Variants in RYR2 observed in about 807,000 individuals in gnomAD.
RYR2 encodes ryanodine receptor 2.
In RYR2, 227 loss-of-function variants were observed where a neutral mutation model predicts 601.1. The observed-to-expected ratio is 0.38, with a 90% CI of 0.34 to 0.42. The LOEUF is 0.42. Ranked by LOEUF, RYR2 falls within the 10% of genes least tolerant of loss-of-function variation. The pLI, the probability that RYR2 is intolerant of heterozygous loss-of-function variation, is 1.00. For synonymous variants in RYR2, 2,223 were observed against 2,175.1 expected (o/e 1.02, Z -0.61); for missense variants, 4,646 against 6,156.5 (o/e 0.75, Z 8.21).
chr1:237,830,754 A>T (rs531275365), intron 103 of RYR2, 124 bp downstream of exon 103: 11 of 576,306 alleles, frequency 1.9e-5, no homozygotes, highest in Non-Finnish European at 3.1e-5. Flanking sequence ...ATACTTTAAA[A>T]GAAAGTCCAA....
chr1:237,565,147 TTCTTTCTTTCTC>T (rs1671860104), intron 27 of RYR2, among the ~76,000 whole-genome samples: 2 of 131,978 alleles, frequency 1.5e-5, no homozygotes, highest in Non-Finnish European at 3.3e-5. Flanking sequence ...TTCTTTTTCT[TTCTTTCTTTCTC>T]TTTCTTTCTT....
At chr1:237,335,637 A>G (rs973447557) in intron 3 of RYR2, among the ~76,000 whole-genome samples, 3 of 152,262 alleles carry the variant, frequency 2.0e-5, no homozygotes, top group East Asian at 1.9e-4. Context: ...GTCCTTTTCA[A>G]CTTTAGCTTA....
chr1:237,750,350 G>A (rs1692441759), intron 80 of RYR2, among the ~76,000 whole-genome samples: 1 of 151,924 alleles, frequency 6.6e-6, no homozygotes, highest in Non-Finnish European at 1.5e-5. Context: ...TCAGTTTGAT[G>A]TGAATTGTCA....
At position 237,643,315 on chromosome 1, in the gene RYR2, T is replaced by TC. The variant is rs796347550; in HGVS notation, c.7222-8dup. The TC allele has an allele frequency of 6.2e-6, 10 of 1,607,448 alleles. No homozygotes were observed. Among genetic ancestry groups the TC allele is most frequent in the Non-Finnish European group, 7.6e-6 (9 of 1,176,646 alleles). On this transcript the variant is annotated splice_polypyrimidine_tract_variant and intron_variant, in intron 47 of 104. Coordinates refer to ENST00000366574, the MANE Select transcript of RYR2 (RefSeq NM_001035.3). ...ACAAAGTTGTTCTAATGTTTTTTTTTCCCCTGTATAGTTGATTCATGCCGG... is the reference window on the plus strand; with the variant it reads ...ACAAAGTTGTTCTAATGTTTTTTTTTCCCCCTGTATAGTTGATTCATGCCGG...
At chr1:237,472,885 T>C (rs1278271061) in intron 17 of RYR2, among the ~76,000 whole-genome samples, 1 of 152,064 alleles carries the variant, frequency 6.6e-6, no homozygotes, top group East Asian at 1.9e-4. Flanking sequence ...GGACAGGGAA[T>C]TGCTTGTCAA....
In RYR2 at chr1:237,456,505, C is replaced by T. The variant is rs143025438; in HGVS notation, c.1477-95C>T. The T allele has an allele frequency of 1.8e-5, 24 of 1,320,410 alleles. No homozygotes were observed. The East Asian group carries it at 6.1e-4, about 34-fold the overall frequency. The allele number at this position is 1,320,410 out of a possible 1,614,324, so 81.8% of individuals were successfully genotyped here. A position where few individuals can be genotyped will look rare whatever the true frequency, so the allele number is the denominator to read the frequency against. Reference sequence around the variant, plus strand: ...ATTAGTAGATGAACCTTCAGTCAGACTTCTATTTTTAAATCAACTTAGCAT... The same window carrying T: ...ATTAGTAGATGAACCTTCAGTCAGATTTCTATTTTTAAATCAACTTAGCAT... On this transcript the variant is annotated intron_variant, in intron 15 of 104. Transcript: ENST00000366574.
intron 2 of RYR2, among the ~76,000 whole-genome samples, chr1:237,274,776 T>C (rs1690090522): frequency 6.6e-6 from 1 of 152,148 alleles, no homozygotes. Context: ...TTTTACCTTT[T>C]ATATCACATT....
intron 2 of RYR2, among the ~76,000 whole-genome samples, chr1:237,324,324 T>G (rs2149537398): frequency 6.6e-6 from 1 of 152,336 alleles, no homozygotes; most frequent in East Asian, 1.9e-4. Flanking sequence ...ACCACCACTT[T>G]ATCTTTCGGA....
At chr1:237,652,466 T>TTA in intron 51 of RYR2, among the ~76,000 whole-genome samples, 1 of 152,268 alleles carries the variant, frequency 6.6e-6, no homozygotes, top group Non-Finnish European at 1.5e-5. Flanking sequence ...TCTAGTAGCA[T>TTA]TATTTTTTCC....
Position 237,589,793 on chromosome 1 carries a change from G to A in RYR2, c.3599G>A (p.Gly1200Glu). The change falls in exon 30 of 105, where the codon GGA becomes GAA. Residue 1200 changes from glycine to glutamate, a missense_variant and splice_region_variant. By Grantham distance (98) the Gly-to-Glu change is moderately conservative. Around this residue, in one of 17 missense-constraint regions of RYR2, gnomAD observed 1,807 missense variants for 2,088.1 expected, o/e 0.87. Coordinates refer to ENST00000366574, the MANE Select transcript of RYR2 (RefSeq NM_001035.3). ...AACTTGATTTTTTTTTTCTTCCCAG[G>A]ATTCATACCTGTGTGTAGCCTTGGA... The part of the protein sequence containing the change: ...LAFKDFDVGD[G>E]FIPVCSLGVA... 1 of 1,612,460 alleles carries A rather than the reference G, an allele frequency of 6.2e-7. No individual in the cohort carries two copies. The highest frequency in any genetic ancestry group is 1.7e-5 in the Admixed American group (1 of 59,702).
At chr1:237,504,511 A>G (rs2150501496) in intron 22 of RYR2, among the ~76,000 whole-genome samples, 1 of 152,270 alleles carries the variant, frequency 6.6e-6, no homozygotes, top group South Asian at 2.1e-4. Context: ...TCTTTTGTGG[A>G]TCTTCAGTTA....
intron 1 of RYR2, among the ~76,000 whole-genome samples, chr1:237,249,742 T>C (rs765871351): frequency 6.6e-6 from 1 of 152,200 alleles, no homozygotes; most frequent in East Asian, 1.9e-4. Flanking sequence ...TCCTTTATTT[T>C]TGTGCTTTGG....
At chr1:237,583,200 T>G (rs2148386076) in intron 29 of RYR2, among the ~76,000 whole-genome samples, 1 of 152,312 alleles carries the variant, frequency 6.6e-6, no homozygotes, top group South Asian at 2.1e-4. Context: ...TTTTTTCATG[T>G]TTGTTGGCTG....
intron 1 of RYR2, among the ~76,000 whole-genome samples, chr1:237,067,097 A>G (rs1663743753): frequency 6.6e-6 from 1 of 152,150 alleles, no homozygotes; most frequent in Non-Finnish European, 1.5e-5. Context: ...TTTGTAGCTC[A>G]TCATTTTCTC....
intron 1 of RYR2, among the ~76,000 whole-genome samples, chr1:237,164,519 G>T (rs1316029428): frequency 6.6e-6 from 1 of 152,132 alleles, no homozygotes. Context: ...AGCAGAGACA[G>T]GCGACAAATA....
chr1:237,093,222 G>A lies in RYR2; in HGVS notation c.48+50653G>A, dbSNP rs1393554252. Among the ~76,000 whole-genome samples, 3 of 152,208 alleles carry A rather than the reference G, an allele frequency of 2.0e-5. No individual in the cohort carries two copies. The East Asian group carries it at 5.8e-4, about 29-fold the overall frequency. On this transcript the variant is annotated intron_variant, in intron 1 of 104. Coordinates refer to ENST00000366574, the MANE Select transcript of RYR2 (RefSeq NM_001035.3). ...GATTCCATAAGATCATCCAAGTAGA[G>A]GGAATAACAAGCCGAGAACCTGATG... is the stretch of plus-strand genomic sequence containing the variant.
intron 1 of RYR2, among the ~76,000 whole-genome samples, chr1:237,124,701 G>A (rs1392765385): frequency 6.6e-6 from 1 of 151,946 alleles, no homozygotes; most frequent in Non-Finnish European, 1.5e-5. Context: ...TCTTCTATCT[G>A]CAACCTTAAC....
chr1:237,643,338 C>T lies in RYR2; in HGVS notation c.7233C>T (p.Ala2411=), dbSNP rs367994477. 182 of 1,613,170 alleles carry T rather than the reference C, an allele frequency of 1.1e-4. 1 individual carries two copies. Among genetic ancestry groups the T allele is most frequent in the African/African-American group, 9.7e-4 (73 of 74,936 alleles). The part of the protein sequence containing the change: ...RCAPEMHLIH[A]GKGEAIRIRS... ...TTTCCCCTGTATAGTTGATTCATGC[C>T]GGGAAGGGAGAAGCCATCAGAATTA... Residue 2411 remains alanine (A), a synonymous_variant, in exon 48 of 105, where the codon GCC becomes GCT. Transcript: ENST00000366574.
At chr1:237,403,222 G>A (rs1486327042) in intron 10 of RYR2, among the ~76,000 whole-genome samples, 2 of 152,072 alleles carry the variant, frequency 1.3e-5, no homozygotes, top group Non-Finnish European at 2.9e-5. Flanking sequence ...CAGATCACAG[G>A]TATGCACATC....
Sources: allele counts gnomAD v4.1 joint callset (sites outside exome capture counted in the v4.1 genomes callset), GRCh38; gene constraint gnomAD v4.1.1; regional missense constraint gnomAD v4.1.1; transcripts MANE v1.5; gene names NCBI Gene and HGNC (gene_info 2026-07-23, HGNC 2026-07-21).